The following CIT variants were observed in gnomAD, a reference collection of about 807,000 sequenced individuals.
CIT encodes the protein citron Rho-interacting kinase.
Under a neutral mutation model 272.7 loss-of-function variants are expected in CIT, and 79 were observed. The observed-to-expected ratio is 0.29, with a 90% CI of 0.24 to 0.35. CIT has a LOEUF of 0.35. Ranked by LOEUF, CIT falls within the 10% of genes least tolerant of loss-of-function variation. CIT has a pLI of 1.00. For synonymous variants in CIT, 948 were observed against 995.6 expected, an observed-to-expected ratio of 0.95 and a Z score of 0.90; for missense variants, 1,909 against 2,618.3, an observed-to-expected ratio of 0.73 and a Z score of 5.91.
At position 119,712,126 on chromosome 12, in the gene CIT, C is replaced by G; in HGVS notation, c.4854+52G>C. On this transcript the variant is annotated intron_variant, in intron 37 of 47. Transcript: ENST00000392521. The surrounding 1 kb of genome is among the most constrained non-coding windows in gnomAD (Gnocchi z 5.2). Reference sequence around the variant, plus strand: ...GATTCTCGTCGTTAACACCAGTTACCAAGTCAGCCCCCTTTACAAAGACAA... The same window carrying G: ...GATTCTCGTCGTTAACACCAGTTACGAAGTCAGCCCCCTTTACAAAGACAA... 1 of 1,511,972 alleles carries G rather than the reference C, an allele frequency of 6.6e-7. No individual in the cohort carries two copies. Among genetic ancestry groups the G allele is most frequent in the South Asian group, 1.3e-5 (1 of 75,922 alleles). The allele number at this position is 1,511,972 out of a possible 1,614,324, so 93.7% of individuals were successfully genotyped here.
At position 119,718,554 on chromosome 12, in the gene CIT, C is replaced by T. The variant is rs1249142472; in HGVS notation, c.4003+145G>A. On this transcript the variant is annotated intron_variant, in intron 31 of 47. Transcript: ENST00000392521. This position sits in a 1 kb window ranked among gnomAD's most constrained non-coding sequence, Gnocchi z 4.8. ...AACTTGGCAATGCACAGGGGCCATA[C>T]GTTTTTCAGACATGGGATGTCTGGT... The T allele has an allele frequency of 7.1e-6, 10 of 1,403,408 alleles. No homozygotes were observed. Among genetic ancestry groups the T allele is most frequent in the African/African-American group, 5.7e-5 (4 of 69,846 alleles). 86.9% of individuals were successfully genotyped at this position (1,403,408 alleles called of 1,614,324 possible).
intron 23 of CIT, among the ~76,000 whole-genome samples, chr12:119,747,053 C>T (rs938222248): frequency 2.0e-5 from 3 of 152,168 alleles, no homozygotes; most frequent in African/African-American, 4.8e-5. Flanking sequence ...TAAATATCTA[C>T]ACTCTTAAAA....
At chr12:119,760,822 C>A in intron 20 of CIT, 117 bp downstream of exon 20, 1 of 747,660 alleles carries the variant, frequency 1.3e-6, no homozygotes, top group Non-Finnish European at 2.3e-6. Context: ...ACCAACAACT[C>A]CACAGGATTC....
At chr12:119,841,214 G>T (rs1011961794) in intron 5 of CIT, among the ~76,000 whole-genome samples, 5 of 146,284 alleles carry the variant, frequency 3.4e-5, no homozygotes, top group Admixed American at 2.8e-4. Context: ...TTGCTCTGTC[G>T]CCCAGGCTGG....
chr12:119,818,227 T>A (rs1024967550), intron 9 of CIT, among the ~76,000 whole-genome samples: 7 of 152,100 alleles, frequency 4.6e-5, no homozygotes, highest in Non-Finnish European at 1.5e-5. Context: ...AGGAGCATAG[T>A]GTAATATACT....
intron 16 of CIT, among the ~76,000 whole-genome samples, chr12:119,775,022 C>T (rs966149476): frequency 1.3e-5 from 2 of 152,092 alleles, no homozygotes; most frequent in East Asian, 1.9e-4. Context: ...CCTGTAATCC[C>T]AGCACTTTGG....
intron 40 of CIT, 54 bp from the exon 41 acceptor site, chr12:119,704,509 G>C: frequency 6.7e-7 from 1 of 1,498,772 alleles, no homozygotes; most frequent in Non-Finnish European, 9.3e-7. Context: ...TACCGGCTGT[G>C]GGGCAAAACT....
chr12:119,689,132 T>G (rs1955768261), intron 47 of CIT, among the ~76,000 whole-genome samples: 1 of 151,750 alleles, frequency 6.6e-6, no homozygotes, highest in Non-Finnish European at 1.5e-5. Context: ...TGAGCTATGA[T>G]CACACCACTG....
chr12:119,703,082 C>A (rs964940740), intron 41 of CIT, among the ~76,000 whole-genome samples: 1 of 152,198 alleles, frequency 6.6e-6, no homozygotes, highest in Non-Finnish European at 1.5e-5. Context: ...TGAGCATTAT[C>A]ATCATCACTG....
At chr12:119,701,820 G>C in intron 42 of CIT, 30 bp downstream of exon 42, 1 of 1,614,146 alleles carries the variant, frequency 6.2e-7, no homozygotes, top group Non-Finnish European at 8.5e-7. Flanking sequence ...CTGAGCCATG[G>C]GTGGGTGCGA....
chr12:119,858,343 C>A (rs1299440495), intron 3 of CIT, among the ~76,000 whole-genome samples: 1 of 152,012 alleles, frequency 6.6e-6, no homozygotes, highest in East Asian at 1.9e-4. Context: ...ATGGTGAAAC[C>A]CCATCTCTAC....
At chr12:119,871,457 AAAACAAAC>A (rs201573332) in intron 2 of CIT, among the ~76,000 whole-genome samples, 3 of 152,202 alleles carry the variant, frequency 2.0e-5, no homozygotes, top group African/African-American at 7.2e-5. Flanking sequence ...GAATTTAAGA[AAAACAAAC>A]AAACAAACAA....
chr12:119,694,643 A>C lies in CIT; in HGVS notation c.5882+3016T>G, dbSNP rs2136938085. On this transcript the variant is annotated intron_variant, in intron 46 of 47. Coordinates refer to ENST00000392521, the MANE Select transcript of CIT (RefSeq NM_001206999.2). The surrounding 1 kb of genome is among the most constrained non-coding windows in gnomAD (Gnocchi z 4.5). ...ATGTGGTAAAACCCTGTCTCTACAA[A>C]AAATACAAAAATTAGCCAGGTGTGG... Among the ~76,000 whole-genome samples, 1 of 152,126 alleles carries C rather than the reference A, an allele frequency of 6.6e-6. No individual in the cohort carries two copies. Among genetic ancestry groups the C allele is most frequent in the South Asian group, 2.1e-4 (1 of 4,798 alleles).
At position 119,712,876 on chromosome 12, in the gene CIT, AAAT is replaced by A. The variant is rs1420819120; in HGVS notation, c.4580-184_4580-182del. ...GAAGGCAGAGAGGGAAGATAAAAAA[AAAT>A]AAAGTGTGTCAGATGAGTAGCACAG... On this transcript the variant is annotated intron_variant, in intron 35 of 47. Transcript: ENST00000392521. This position sits in a 1 kb window ranked among gnomAD's most constrained non-coding sequence, Gnocchi z 5.2. 3.4e-6 allele frequency: 2 copies of A among 592,328 alleles called. No individual in the cohort carries two copies. Among genetic ancestry groups the A allele is most frequent in the East Asian group, 2.9e-5 (1 of 35,036 alleles). 36.7% of individuals were successfully genotyped at this position (592,328 alleles called of 1,614,324 possible). A position where few individuals can be genotyped will look rare whatever the true frequency, so the allele number is the denominator to read the frequency against.
At chr12:119,845,073 T>C (rs945922082) in intron 5 of CIT, among the ~76,000 whole-genome samples, 9 of 151,974 alleles carry the variant, frequency 5.9e-5, no homozygotes, top group African/African-American at 1.9e-4. Context: ...TGAGCCGAGA[T>C]TGCGCCACTG....
rs1593341738 is a variant in CIT, at chr12:119,687,047, T to C, written c.*1185A>G. On this transcript the variant is annotated 3_prime_UTR_variant, in exon 48 of 48. Transcript: ENST00000392521. ...TTTGGAGGGGACACTGAGTGGGAGG[T>C]GGTGGTTTGCTGAAATCCTTCTCTG... 1 of 151,588 alleles carries C rather than the reference T, an allele frequency of 6.6e-6. No individual in the cohort carries two copies. The highest frequency in any genetic ancestry group is 6.6e-5 in the Admixed American group (1 of 15,080). The allele number at this position is 151,588 out of a possible 1,614,324, so 9.4% of individuals were successfully genotyped here. A position where few individuals can be genotyped will look rare whatever the true frequency, so the allele number is the denominator to read the frequency against.
At chr12:119,749,406 G>A (rs1372772063) in intron 23 of CIT, among the ~76,000 whole-genome samples, 1 of 152,160 alleles carries the variant, frequency 6.6e-6, no homozygotes, top group Non-Finnish European at 1.5e-5. Flanking sequence ...ATGGCATTTT[G>A]GGACCATTTT....
At position 119,713,949 on chromosome 12, in the gene CIT, C is replaced by G; in HGVS notation, c.4306+248G>C. 1 of 607,992 alleles carries G rather than the reference C, an allele frequency of 1.6e-6. No individual in the cohort carries two copies. The highest frequency in any genetic ancestry group is 4.4e-4 in the Middle Eastern group (1 of 2,270). The allele number at this position is 607,992 out of a possible 1,614,324, so 37.7% of individuals were successfully genotyped here. Reference sequence around the variant, plus strand: ...CAGCGGAAAGGTAGGGAGAGACCAGCCTGACAAAAAGGGGCTGGAAATTAG... The same window carrying G: ...CAGCGGAAAGGTAGGGAGAGACCAGGCTGACAAAAAGGGGCTGGAAATTAG... On this transcript the variant is annotated intron_variant, in intron 33 of 47. Transcript: ENST00000392521. The surrounding 1 kb of genome is among the most constrained non-coding windows in gnomAD (Gnocchi z 5.2).
chr12:119,793,757 G>A (rs762222019), intron 10 of CIT, among the ~76,000 whole-genome samples: 1 of 152,162 alleles, frequency 6.6e-6, no homozygotes, highest in Non-Finnish European at 1.5e-5. Context: ...ACTCTGTGTG[G>A]GCAGGGATGC....
Sources: allele counts gnomAD v4.1 joint callset (sites outside exome capture counted in the v4.1 genomes callset), GRCh38; gene constraint gnomAD v4.1.1; non-coding constraint Gnocchi (gnomAD v3.1); transcripts MANE v1.5; gene names NCBI Gene and HGNC (gene_info 2026-07-23, HGNC 2026-07-21).